Variants in EXT1 observed in about 807,000 individuals in gnomAD.
The protein encoded by EXT1 is exostosin-1.
A neutral mutation model predicts 82.5 loss-of-function variants in EXT1; 20 were observed. The ratio of observed to expected loss-of-function variants is 0.24; its 90% confidence interval spans 0.17 to 0.35. EXT1 has a LOEUF of 0.35. Among genes scored for constraint, EXT1 ranks in the 10% least tolerant of loss-of-function variants. The pLI is 1.00. For missense variants in EXT1, 757 were observed against 936.5 expected (o/e 0.81, Z 2.50); for synonymous variants, 348 against 350.8 (o/e 0.99, Z 0.09).
chr8:117,919,266 G>A (rs1294564387), intron 1 of EXT1, among the ~76,000 whole-genome samples: 1 of 151,554 alleles, frequency 6.6e-6, no homozygotes, highest in African/African-American at 2.4e-5. Flanking sequence ...TCCCACTGTA[G>A]CCTCGAACTC....
rs543745351 is a variant in EXT1 at position 118,036,614 on chromosome 8, T to C, written c.962+73471A>G. ...CTTTGGGGGTCATTTATTCTAGTAA[T>C]GTTTCCGTTTTTAATAGAAAATGTT... is the stretch of plus-strand genomic sequence containing the variant. On this transcript the variant is annotated intron_variant, in intron 1 of 10. Transcript: ENST00000378204. Among the ~76,000 whole-genome samples the C allele has an allele frequency of 2.3e-3, 350 of 152,306 alleles. 3 individuals carry two copies. The highest frequency in any genetic ancestry group is 8.2e-3 in the African/African-American group (339 of 41,576).
intron 1 of EXT1, among the ~76,000 whole-genome samples, chr8:118,089,738 T>C (rs999580745): frequency 2.6e-5 from 4 of 152,230 alleles, no homozygotes; most frequent in Non-Finnish European, 5.9e-5. Context: ...GCTTCTGAGA[T>C]GAAAACTCTT....
At chr8:118,060,521 C>A (rs1816865426) in intron 1 of EXT1, among the ~76,000 whole-genome samples, 2 of 152,144 alleles carry the variant, frequency 1.3e-5, no homozygotes, top group Admixed American at 1.3e-4. Flanking sequence ...AGATGGCAAC[C>A]ACCAACTTGT....
intron 1 of EXT1, among the ~76,000 whole-genome samples, chr8:118,062,284 C>T (rs930068675): frequency 1.2e-4 from 19 of 152,128 alleles, no homozygotes; most frequent in Non-Finnish European, 2.9e-5. Context: ...AGGTAGAGGC[C>T]AAGTAAGTTT....
intron 1 of EXT1, among the ~76,000 whole-genome samples, chr8:118,040,003 C>A (rs1054455709): frequency 3.9e-5 from 6 of 152,168 alleles, no homozygotes; most frequent in Admixed American, 6.5e-5. Context: ...TACAGTCCTG[C>A]AATGTTGAAA....
chr8:117,828,608 G>C (rs778320547), intron 4 of EXT1, among the ~76,000 whole-genome samples: 5 of 152,098 alleles, frequency 3.3e-5, no homozygotes, highest in Non-Finnish European at 7.4e-5. Flanking sequence ...TGGAGGACAG[G>C]ATTAAAAAAG....
intron 3 of EXT1, among the ~76,000 whole-genome samples, chr8:117,833,520 C>G (rs898210364): frequency 6.6e-6 from 1 of 151,666 alleles, no homozygotes; most frequent in Admixed American, 6.6e-5. Context: ...GAGGCTGAGG[C>G]AGAAGAATCG....
chr8:117,974,974 TA>T (rs1210140793), intron 1 of EXT1, among the ~76,000 whole-genome samples: 1 of 152,236 alleles, frequency 6.6e-6, no homozygotes, highest in Non-Finnish European at 1.5e-5. Context: ...AATTTTGACA[TA>T]AAATTTCTAA....
intron 1 of EXT1, among the ~76,000 whole-genome samples, chr8:118,100,199 T>C (rs1817693081): frequency 6.6e-6 from 1 of 152,050 alleles, no homozygotes; most frequent in Non-Finnish European, 1.5e-5. Context: ...AAGCAAGACA[T>C]GAAGGCATAG....
At chr8:117,984,449 C>CAAAA (rs368857333) in intron 1 of EXT1, among the ~76,000 whole-genome samples, 6 of 130,976 alleles carry the variant, frequency 4.6e-5, no homozygotes, top group African/African-American at 1.7e-4. Flanking sequence ...CAAAACAAAA[C>CAAAA]AAAAAAAAAA....
intron 1 of EXT1, among the ~76,000 whole-genome samples, chr8:117,840,635 AAGAG>A (rs1377938130): frequency 9.2e-5 from 14 of 152,046 alleles, no homozygotes; most frequent in African/African-American, 2.9e-4. Flanking sequence ...AAAAAAAAGA[AAGAG>A]AGAACGTATT....
intron 1 of EXT1, among the ~76,000 whole-genome samples, chr8:117,878,346 A>C (rs1337446554): frequency 6.6e-6 from 1 of 152,218 alleles, no homozygotes; most frequent in African/African-American, 2.4e-5. Flanking sequence ...CAGAAAAAGG[A>C]ATGTGATTAT....
chr8:118,049,587 T>C lies in EXT1; in HGVS notation c.962+60498A>G, dbSNP rs144793882. Reference sequence around the variant, plus strand: ...ACGGTCTATTTGAATGCTGCTCTTATGAGGCTGCCAGCTTTGAAAGTAAAA... The same window carrying C: ...ACGGTCTATTTGAATGCTGCTCTTACGAGGCTGCCAGCTTTGAAAGTAAAA... On this transcript the variant is annotated intron_variant, in intron 1 of 10. Coordinates refer to ENST00000378204, the MANE Select transcript of EXT1 (RefSeq NM_000127.3). Among the ~76,000 whole-genome samples the C allele has an allele frequency of 1.9e-3, 296 of 152,316 alleles. 2 individuals are homozygous for C. The highest frequency in any genetic ancestry group is 6.9e-3 in the African/African-American group (286 of 41,580).
At chr8:117,946,445 A>C (rs1458475915) in intron 1 of EXT1, among the ~76,000 whole-genome samples, 1 of 152,190 alleles carries the variant, frequency 6.6e-6, no homozygotes, top group Non-Finnish European at 1.5e-5. Context: ...CTACATAAGC[A>C]TTTGTGGCGC....
intron 1 of EXT1, among the ~76,000 whole-genome samples, chr8:117,913,147 G>A (rs1295603484): frequency 3.9e-5 from 6 of 152,070 alleles, no homozygotes; most frequent in South Asian, 2.1e-4. Context: ...GCTTGAACCC[G>A]GGAGGTGGAG....
intron 1 of EXT1, among the ~76,000 whole-genome samples, chr8:118,062,605 C>G (rs969351238): frequency 6.6e-6 from 1 of 152,082 alleles, no homozygotes; most frequent in African/African-American, 2.4e-5. Context: ...CCCAGAGATG[C>G]GAAATATTCA....
chr8:117,876,791 C>T (rs908471674), intron 1 of EXT1, among the ~76,000 whole-genome samples: 3 of 152,118 alleles, frequency 2.0e-5, no homozygotes, highest in Non-Finnish European at 4.4e-5. Context: ...CATTTGTTTA[C>T]CATTCATTCT....
chr8:118,083,346 A>G (rs1817364419), intron 1 of EXT1, among the ~76,000 whole-genome samples: 1 of 152,204 alleles, frequency 6.6e-6, no homozygotes, highest in Admixed American at 6.5e-5. Context: ...TGTACTATTT[A>G]ATACTCTCCA....
chr8:118,068,894 T>C (rs115410032), intron 1 of EXT1, among the ~76,000 whole-genome samples: 4,064 of 152,164 alleles, frequency 0.027, 162 homozygotes, highest in African/African-American at 0.091. Context: ...GTTACTGCTG[T>C]TATTTATTCA....
Sources: allele counts gnomAD v4.1 joint callset (sites outside exome capture counted in the v4.1 genomes callset), GRCh38; gene constraint gnomAD v4.1.1; transcripts MANE v1.5; gene names NCBI Gene and HGNC (gene_info 2026-07-23, HGNC 2026-07-21).